The following PSD4 variants were observed in gnomAD, a reference collection of about 807,000 sequenced individuals.
PSD4 encodes PH and SEC7 domain-containing protein 4.
A neutral mutation model predicts 112.5 loss-of-function variants in PSD4; 59 were observed. That is an observed-to-expected ratio of 0.52 (90% CI 0.43 to 0.65). The LOEUF is 0.65. Ranked by LOEUF, PSD4 falls within the 30% of genes least tolerant of loss-of-function variation. The pLI is 0.00. For missense variants in PSD4, 1,267 were observed against 1,352.6 expected, an observed-to-expected ratio of 0.94 and a Z score of 0.99; for synonymous variants, 533 against 540.0, an observed-to-expected ratio of 0.99 and a Z score of 0.18.
chr2:113,197,527 C>T, intron 12 of PSD4, 37 bp from the exon 13 acceptor site: 1 of 1,611,704 alleles, frequency 6.2e-7, no homozygotes, highest in Non-Finnish European at 8.5e-7. Context: ...ATGCTGGTGC[C>T]CCCACCTACA....
chr2:113,185,795 G>C (rs1688281859), intron 4 of PSD4, 82 bp from the exon 5 acceptor site: 1 of 1,554,122 alleles, frequency 6.4e-7, no homozygotes, highest in African/African-American at 1.4e-5. Flanking sequence ...AGGAGCCCCA[G>C]GGAGGGAGCC....
In PSD4 at chr2:113,193,140, G is replaced by A. The variant is rs374971179; in HGVS notation, c.1919+12G>A. ...GACCGAGCCCTCCGGTAATGTCTTTGGGCCCTCTCTGGGGAGGCTGTGGAG... is the reference window on the plus strand; with the variant it reads ...GACCGAGCCCTCCGGTAATGTCTTTAGGCCCTCTCTGGGGAGGCTGTGGAG... On this transcript the variant is annotated intron_variant, in intron 7 of 16. Coordinates refer to ENST00000245796, the MANE Select transcript of PSD4 (RefSeq NM_012455.3). 2.4e-4 allele frequency: 383 copies of A among 1,612,828 alleles called. 1 individual carries two copies. The highest frequency in any genetic ancestry group is 1.3e-3 in the Middle Eastern group (8 of 6,062).
intron 1 of PSD4, among the ~76,000 whole-genome samples, chr2:113,177,524 G>C (rs536939967): frequency 6.6e-6 from 1 of 152,336 alleles, no homozygotes; most frequent in East Asian, 1.9e-4. Flanking sequence ...TGATGCTTAA[G>C]AGAGCTGTAA....
At chr2:113,189,372 C>T (rs1268403709) in intron 5 of PSD4, among the ~76,000 whole-genome samples, 2 of 149,652 alleles carry the variant, frequency 1.3e-5, no homozygotes, top group African/African-American at 5.0e-5. Context: ...TATATACACA[C>T]ACACATACAC....
At chr2:113,177,896 A>G (rs1396976018) in intron 1 of PSD4, among the ~76,000 whole-genome samples, 1 of 152,216 alleles carries the variant, frequency 6.6e-6, no homozygotes, top group Non-Finnish European at 1.5e-5. Context: ...GGGGTGGAGT[A>G]TAGTCACATT....
Position 113,185,420 on chromosome 2 carries a change from C to T in PSD4, c.1229C>T (p.Thr410Ile). 6.2e-7 allele frequency: 1 copy of T among 1,614,196 alleles called. No individual in the cohort carries two copies. ...GGAGGTCCTTTTTGGCCCCAGGTGA[C>T]TCTTAACTCCCAGGACAGAGGTGAG... ...QRGGPFWPQV[T>I]LNSQDRDERE... is the part of the protein sequence containing the mutation. The change falls in exon 4 of 17, where the codon ACT (threonine) becomes ATT (isoleucine). Residue 410 changes from threonine (T) to isoleucine (I), a missense_variant. Around this residue, in one of 2 missense-constraint regions of PSD4, gnomAD observed 723 missense variants for 704.0 expected, o/e 1.03. Transcript: ENST00000245796.
intron 5 of PSD4, among the ~76,000 whole-genome samples, chr2:113,188,283 G>C (rs1688353488): frequency 6.6e-6 from 1 of 151,994 alleles, no homozygotes; most frequent in Admixed American, 6.6e-5. Context: ...TGCTCTTGCT[G>C]CCCAGGCTGA....
intron 5 of PSD4, among the ~76,000 whole-genome samples, chr2:113,192,045 T>C (rs1688455583): frequency 6.6e-6 from 1 of 151,412 alleles, no homozygotes; most frequent in South Asian, 2.1e-4. Context: ...AGGGAGACAA[T>C]CCCACGTGCC....
chr2:113,193,045 C>G lies in PSD4; in HGVS notation c.1839-3C>G, dbSNP rs752446268. The G allele has an allele frequency of 3.1e-6, 5 of 1,613,734 alleles. No individual in the cohort carries two copies. The highest frequency in any genetic ancestry group is 3.4e-6 in the Non-Finnish European group (4 of 1,179,606). On this transcript the variant is annotated splice_polypyrimidine_tract_variant and splice_region_variant and intron_variant, in intron 6 of 16. Coordinates refer to ENST00000245796, the MANE Select transcript of PSD4 (RefSeq NM_012455.3). The stretch of plus-strand genomic sequence containing the variant: ...AGACTCCATGCCCCTTTTCCCTCTG[C>G]AGCAATGACTTTAGCAGGGCTGTGG...
chr2:113,193,050 A>G lies in PSD4; in HGVS notation c.1841A>G (p.Asn614Ser). Residue 614 changes from asparagine to serine, a missense_variant and splice_region_variant, in exon 7 of 17, where the codon AAT becomes AGT. Transcript: ENST00000245796. ...CCATGCCCCTTTTCCCTCTGCAGCA[A>G]TGACTTTAGCAGGGCTGTGGCTGAG... ...SEVAAYLQKNNDFSRAVAEEY... is the reference protein window; with the variant it reads ...SEVAAYLQKNSDFSRAVAEEY... The G allele has an allele frequency of 6.2e-7, 1 of 1,613,888 alleles. No homozygotes were observed. The highest frequency in any genetic ancestry group is 2.2e-5 in the East Asian group (1 of 44,890).
Position 113,204,900 on chromosome 2 carries a change from G to C in PSD4, c.*3485G>C, listed in dbSNP as rs1425974657. 2 of 152,310 alleles carry C rather than the reference G, an allele frequency of 1.3e-5. No homozygotes were observed. The highest frequency in any genetic ancestry group is 1.3e-4 in the Admixed American group (2 of 15,280). The allele number at this position is 152,310 out of a possible 1,614,324, so 9.4% of individuals were successfully genotyped here. A position where few individuals can be genotyped will look rare whatever the true frequency, so the allele number is the denominator to read the frequency against. On this transcript the variant is annotated 3_prime_UTR_variant, in exon 17 of 17. Coordinates refer to ENST00000245796, the MANE Select transcript of PSD4 (RefSeq NM_012455.3). ...AGAGGGAAACAGGGCCGTCAGGGTG[G>C]CCTGAGGCCAGATCATACAGGGTCT...
intron 5 of PSD4, among the ~76,000 whole-genome samples, chr2:113,188,859 C>T (rs45503603): frequency 0.031 from 4,649 of 152,294 alleles, 216 homozygotes; most frequent in East Asian, 0.21. Flanking sequence ...TGAGCCACCA[C>T]GCCCTGCCTA....
At position 113,183,098 on chromosome 2, in the gene PSD4, C is replaced by T. The variant is rs1204265897; in HGVS notation, c.642C>T (p.Asp214=). Residue 214 remains aspartate (D), a synonymous_variant, in exon 2 of 17, where the codon GAC becomes GAT. Coordinates refer to ENST00000245796, the MANE Select transcript of PSD4 (RefSeq NM_012455.3). ...CTGAGAATGAAGACTCAGGGGAAGA[C>T]AGCAGTGAGCCTGAGGGAGAGGGCC... ...SPPENEDSGE[D]SSEPEGEGQA... is the part of the protein sequence containing the mutation. 2 of 1,613,418 alleles carry T rather than the reference C, an allele frequency of 1.2e-6. No individual in the cohort carries two copies. The highest frequency in any genetic ancestry group is 1.7e-6 in the Non-Finnish European group (2 of 1,179,564).
intron 12 of PSD4, chr2:113,197,302 A>C (rs902696): frequency 0.47 from 244,916 of 520,902 alleles, 60,523 homozygotes; most frequent in East Asian, 0.65. Flanking sequence ...AGAAGATGAT[A>C]TGTATGAATA....
intron 8 of PSD4, 51 bp downstream of exon 8, chr2:113,193,421 A>T (rs371348495): frequency 8.9e-6 from 14 of 1,573,752 alleles, no homozygotes; most frequent in Non-Finnish European, 1.1e-5. Context: ...TGGGGTGCCC[A>T]TGTCTGCTTG....
rs1190891051 is a variant in PSD4 at position 113,209,048 on chromosome 2, T to C, written c.*7633T>C. On this transcript the variant is annotated 3_prime_UTR_variant, in exon 17 of 17. Coordinates refer to ENST00000245796, the MANE Select transcript of PSD4 (RefSeq NM_012455.3). ...TGAGGACATTATCCACGCTAGTCTCTTTCATCTGGGCCGAGGTGGGTAATT... is the reference window on the plus strand; with the variant it reads ...TGAGGACATTATCCACGCTAGTCTCCTTCATCTGGGCCGAGGTGGGTAATT... 2 of 152,202 alleles carry C rather than the reference T, an allele frequency of 1.3e-5. No individual in the cohort carries two copies. The highest frequency in any genetic ancestry group is 2.4e-5 in the African/African-American group (1 of 41,440). The allele number at this position is 152,202 out of a possible 1,614,324, so 9.4% of individuals were successfully genotyped here.
chr2:113,190,706 C>T (rs988781236), intron 5 of PSD4, among the ~76,000 whole-genome samples: 2 of 152,200 alleles, frequency 1.3e-5, no homozygotes, highest in Non-Finnish European at 2.9e-5. Flanking sequence ...CCTCCCACCT[C>T]GGCCTCCCAA....
In PSD4 at chr2:113,196,015, G is replaced by C. The variant is rs545499491; in HGVS notation, c.2226-132G>C. 7 of 1,219,896 alleles carry C rather than the reference G, an allele frequency of 5.7e-6. No homozygotes were observed. The Admixed American group carries it at 1.3e-4, about 23-fold the overall frequency. The allele number at this position is 1,219,896 out of a possible 1,614,324, so 75.6% of individuals were successfully genotyped here. The stretch of plus-strand genomic sequence containing the variant: ...GAATTGATGGGTTCACTGTGAAGGA[G>C]GACTCCTTGTGGGGGGTCCTGGGGT... On this transcript the variant is annotated intron_variant, in intron 11 of 16. Coordinates refer to ENST00000245796, the MANE Select transcript of PSD4 (RefSeq NM_012455.3).
At position 113,185,346 on chromosome 2, in the gene PSD4, C is replaced by G. The variant is rs750970506; in HGVS notation, c.1174-19C>G. ...TGTGTATCCAGGGCTCATGGGAATG[C>G]CTTTGCCTCTCTCAACAGGCCTCTC... On this transcript the variant is annotated intron_variant, in intron 3 of 16. Transcript: ENST00000245796. 1 of 1,614,040 alleles carries G rather than the reference C, an allele frequency of 6.2e-7. No individual in the cohort carries two copies. Among genetic ancestry groups the G allele is most frequent in the Non-Finnish European group, 8.5e-7 (1 of 1,179,912 alleles).
Sources: allele counts gnomAD v4.1 joint callset (sites outside exome capture counted in the v4.1 genomes callset), GRCh38; gene constraint gnomAD v4.1.1; regional missense constraint gnomAD v4.1.1; transcripts MANE v1.5; gene names NCBI Gene and HGNC (gene_info 2026-07-23, HGNC 2026-07-21).